ASRGL1: variants seen among roughly 807,000 people sequenced by gnomAD.
ASRGL1 encodes isoaspartyl peptidase/L-asparaginase.
A neutral mutation model predicts 22.4 loss-of-function variants in ASRGL1; 16 were observed. The ratio of observed to expected loss-of-function variants is 0.71; its 90% CI spans 0.48 to 1.08. The LOEUF is 1.08. Among genes scored for constraint, ASRGL1 ranks in the 50% least tolerant of loss-of-function variants. The pLI, the probability that ASRGL1 is intolerant of heterozygous loss-of-function variation, is 0.00. For missense variants in ASRGL1, 412 were observed against 410.1 expected, an observed-to-expected ratio of 1.00 and a Z score of -0.04; for synonymous variants, 165 against 159.3, an observed-to-expected ratio of 1.04 and a Z score of -0.27.
At chr11:62,371,711 G>A (rs530392080) in intron 4 of ASRGL1, 10 of 581,676 alleles carry the variant, frequency 1.7e-5, no homozygotes, top group South Asian at 1.4e-4. Flanking sequence ...CCAGCACTTT[G>A]GGAGGCCGAG....
chr11:62,369,462 C>A (rs1946705946), intron 4 of ASRGL1, among the ~76,000 whole-genome samples: 1 of 152,112 alleles, frequency 6.6e-6, no homozygotes, highest in African/African-American at 2.4e-5. Flanking sequence ...TAACCCTTTT[C>A]TTTTTGACAA....
At chr11:62,395,878 T>C (rs1686452662), downstream of ASRGL1, among the ~76,000 whole-genome samples, 2 of 143,458 alleles carry the variant, frequency 1.4e-5, no homozygotes, top group Admixed American at 7.3e-5. Context: ...TTCAAGCAAT[T>C]CTCCTGCCTC....
At chr11:62,384,042 G>A (rs1947144790) in intron 4 of ASRGL1, among the ~76,000 whole-genome samples, 1 of 151,710 alleles carries the variant, frequency 6.6e-6, no homozygotes, top group Non-Finnish European at 1.5e-5. Flanking sequence ...GTGCGTGTGT[G>A]TGTGTGTGTG....
At chr11:62,353,433 C>A (rs1590714761) in intron 2 of ASRGL1, among the ~76,000 whole-genome samples, 1 of 150,926 alleles carries the variant, frequency 6.6e-6, no homozygotes, top group African/African-American at 2.4e-5. Flanking sequence ...CAACCTCAAA[C>A]CCCTGGCTCA....
intron 4 of ASRGL1, among the ~76,000 whole-genome samples, chr11:62,361,613 G>T (rs374551919): frequency 6.7e-6 from 1 of 148,390 alleles, no homozygotes; most frequent in Non-Finnish European, 1.5e-5. Context: ...TCAGCCTCCC[G>T]AGTAGCTGGG....
At chr11:62,348,907 A>G (rs1946101126) in intron 2 of ASRGL1, among the ~76,000 whole-genome samples, 2 of 152,062 alleles carry the variant, frequency 1.3e-5, no homozygotes, top group Non-Finnish European at 2.9e-5. Context: ...GTCTGTGTCT[A>G]CACCTCATTA....
In ASRGL1 at chr11:62,346,698, A is replaced by G. The variant is rs113692183; in HGVS notation, c.190+8531A>G. Among the ~76,000 whole-genome samples the G allele has an allele frequency of 6.5e-3, 988 of 152,244 alleles. 16 individuals are homozygous for G. The highest frequency in any genetic ancestry group is 0.02 in the African/African-American group (838 of 41,546). On this transcript the variant is annotated intron_variant, in intron 2 of 6. Transcript: ENST00000415229. ...TTAAGATAACATCTGGGTCAGGCGC[A>G]GTGACTCACACCTGTAATCCCAGCA...
At chr11:62,356,221 C>T (rs371076961) in intron 2 of ASRGL1, 104 bp from the exon 3 acceptor site, 7 of 1,416,384 alleles carry the variant, frequency 4.9e-6, no homozygotes, top group Non-Finnish European at 6.7e-6. Context: ...CCCCTCACCT[C>T]CCGGATGGGG....
chr11:62,371,402 A>G (rs1590740536), intron 4 of ASRGL1: 1 of 589,788 alleles, frequency 1.7e-6, no homozygotes, highest in South Asian at 2.1e-5. Flanking sequence ...GCCGAACCCG[A>G]GCACACCAAG....
chr11:62,401,326 T>C, the ASRGL1 span, among the ~76,000 whole-genome samples: 3 of 151,972 alleles, frequency 2.0e-5, no homozygotes, highest in Non-Finnish European at 2.9e-5. Flanking sequence ...GCTGGGGGAG[T>C]GGCTGTCCCT....
At chr11:62,359,591 C>G (rs576972753) in intron 4 of ASRGL1, among the ~76,000 whole-genome samples, 1 of 152,196 alleles carries the variant, frequency 6.6e-6, no homozygotes, top group Non-Finnish European at 1.5e-5. Flanking sequence ...TTTACACTTA[C>G]AGTACATCTC....
chr11:62,363,577 T>C (rs1043041159), intron 4 of ASRGL1, among the ~76,000 whole-genome samples: 1 of 152,320 alleles, frequency 6.6e-6, no homozygotes, highest in Middle Eastern at 3.4e-3. Flanking sequence ...AAAAAGACTA[T>C]AAGTGATTGT....
intron 4 of ASRGL1, among the ~76,000 whole-genome samples, chr11:62,388,534 G>A (rs1455279204): frequency 6.6e-6 from 1 of 152,046 alleles, no homozygotes; most frequent in Non-Finnish European, 1.5e-5. Flanking sequence ...CCCAGGTGTG[G>A]TGGTGCATGC....
At chr11:62,381,687 C>T (rs928653163) in intron 4 of ASRGL1, 3 of 152,000 alleles carry the variant, frequency 2.0e-5, no homozygotes, top group Non-Finnish European at 4.4e-5. Context: ...TTTGAAATAG[C>T]GTGATTAGAT....
At position 62,338,012 on chromosome 11, in the gene ASRGL1, C is replaced by T; in HGVS notation, c.35C>T (p.Ala12Val). Residue 12 changes from alanine (A) to valine (V), a missense_variant, in exon 2 of 7, where the codon GCC becomes GTC. Ala to Val is a moderately conservative substitution (Grantham distance 64). Transcript: ENST00000415229. ...ATCGTAGTGGTCCACGGCGGCGGAG[C>T]CGGTCCCATCTCCAAGGATCGGAAG... ...NPIVVVHGGG[A>V]GPISKDRKER... 6.2e-7 allele frequency: 1 copy of T among 1,605,744 alleles called. No individual in the cohort carries two copies. Among genetic ancestry groups the T allele is most frequent in the East Asian group, 2.2e-5 (1 of 44,626 alleles).
intron 4 of ASRGL1, among the ~76,000 whole-genome samples, chr11:62,362,714 T>TGTAATATATAA (rs1565162538): frequency 1.9e-5 from 1 of 51,866 alleles, no homozygotes; most frequent in Non-Finnish European, 3.3e-5. Context: ...ATAAAATATA[T>TGTAATATATAA]TATATGTTAT....
chr11:62,374,714 G>A (rs1347051820), intron 4 of ASRGL1, among the ~76,000 whole-genome samples: 3 of 152,166 alleles, frequency 2.0e-5, no homozygotes, highest in Non-Finnish European at 2.9e-5. Context: ...CCTGTGGGAA[G>A]AGACTGGCCT....
At chr11:62,357,258 T>TGTTTTG (rs1410934754) in intron 4 of ASRGL1, 114 bp downstream of exon 4, 6 of 1,243,772 alleles carry the variant, frequency 4.8e-6, no homozygotes, top group Non-Finnish European at 6.6e-6. Context: ...TGTTTTGTTT[T>TGTTTTG]GTTTTGTTTG....
At chr11:62,341,473 A>G (rs1945861505) in intron 2 of ASRGL1, among the ~76,000 whole-genome samples, 1 of 152,134 alleles carries the variant, frequency 6.6e-6, no homozygotes, top group South Asian at 2.1e-4. Flanking sequence ...TGCTGGGATT[A>G]CAGGTGTGAG....
Sources: allele counts gnomAD v4.1 joint callset (sites outside exome capture counted in the v4.1 genomes callset), GRCh38; gene constraint gnomAD v4.1.1; transcripts MANE v1.5; gene names NCBI Gene and HGNC (gene_info 2026-07-23, HGNC 2026-07-21).